The following TEAD3 variants were observed in gnomAD, a reference collection of about 807,000 sequenced individuals.
TEAD3 encodes TEA domain transcription factor 3.
A neutral mutation model predicts 55.6 loss-of-function variants in TEAD3; 15 were observed. The ratio of observed to expected loss-of-function variants is 0.27; its 90% CI spans 0.18 to 0.42. The LOEUF is 0.42. Ranked by LOEUF, TEAD3 falls within the 10% of genes least tolerant of loss-of-function variation. TEAD3 has a pLI of 1.00. For synonymous variants in TEAD3, 210 were observed against 232.2 expected, an observed-to-expected ratio of 0.90 and a Z score of 0.87; for missense variants, 407 against 576.8, an observed-to-expected ratio of 0.71 and a Z score of 3.01.
At position 35,487,517 on chromosome 6, in the gene TEAD3, A is replaced by T. The variant is rs1768411553; in HGVS notation, c.-49-806T>A. ...CAGTGAGCCGAGATCACGTCACTGC[A>T]CTCCAGCCTAGGCAATAGAGCGAGA... On this transcript the variant is annotated intron_variant, in intron 1 of 12. Transcript: ENST00000639578. 2.1e-5 allele frequency among the ~76,000 whole-genome samples: 3 copies of T among 140,058 alleles called. No homozygotes were observed. In the South Asian group the frequency reaches 6.6e-4, roughly 31 times the overall value. 91.9% of individuals were successfully genotyped at this position (140,058 alleles called of 152,430 possible).
At chr6:35,492,869 C>T (rs1561808832) in intron 1 of TEAD3, among the ~76,000 whole-genome samples, 1 of 152,156 alleles carries the variant, frequency 6.6e-6, no homozygotes, top group Non-Finnish European at 1.5e-5. Flanking sequence ...CCCTTCACCC[C>T]CTCCCTGGGA....
rs374481931 is a variant in TEAD3, at chr6:35,477,296, G to A, written c.592+15C>T. ...TGCAGGTGCCAAGGGAGAGCACCTCGTGTGGGGAACTTACTGCTGAGCGTC... is the reference window on the plus strand; with the variant it reads ...TGCAGGTGCCAAGGGAGAGCACCTCATGTGGGGAACTTACTGCTGAGCGTC... On this transcript the variant is annotated intron_variant, in intron 8 of 12. Transcript: ENST00000639578. 8.1e-6 allele frequency: 13 copies of A among 1,609,570 alleles called. No homozygotes were observed. The highest frequency in any genetic ancestry group is 2.2e-5 in the East Asian group (1 of 44,884).
chr6:35,479,247 T>C, intron 5 of TEAD3, 58 bp downstream of exon 5: 1 of 1,594,912 alleles, frequency 6.3e-7, no homozygotes, highest in Non-Finnish European at 8.6e-7. Flanking sequence ...TTGAAAATCC[T>C]GTATTAGGTG....
Position 35,477,383 on chromosome 6 carries a change from G to A in TEAD3, c.531-11C>T, listed in dbSNP as rs746693536. 2 of 1,599,662 alleles carry A rather than the reference G, an allele frequency of 1.3e-6. No individual in the cohort carries two copies. The highest frequency in any genetic ancestry group is 1.1e-5 in the South Asian group (1 of 90,740). On this transcript the variant is annotated splice_polypyrimidine_tract_variant and intron_variant, in intron 7 of 12. Coordinates refer to ENST00000639578, the Ensembl canonical transcript of TEAD3. Reference sequence around the variant, plus strand: ...GCAAAGGGCTTGATGCTGCAGACAGGAGCACAGCCTGGTGAGAGGGTTCCC... The same window carrying A: ...GCAAAGGGCTTGATGCTGCAGACAGAAGCACAGCCTGGTGAGAGGGTTCCC...
At chr6:35,476,461 C>T in intron 8 of TEAD3, 26 bp from the exon 9 acceptor site, 1 of 1,611,900 alleles carries the variant, frequency 6.2e-7, no homozygotes, top group Non-Finnish European at 8.5e-7. Flanking sequence ...AGATTTTCAT[C>T]TGCATGGATG....
chr6:35,479,947 C>T, intron 4 of TEAD3: 1 of 912,580 alleles, frequency 1.1e-6, no homozygotes, highest in Admixed American at 2.7e-5. Flanking sequence ...TTTCTGGACC[C>T]CCTCACAGCT....
At chr6:35,479,818 C>T (rs1268102732) in intron 4 of TEAD3, among the ~76,000 whole-genome samples, 1 of 152,234 alleles carries the variant, frequency 6.6e-6, no homozygotes, top group African/African-American at 2.4e-5. Context: ...AAGCAGCAGT[C>T]AGGAAGAAGG....
chr6:35,486,443 G>A lies in TEAD3; in HGVS notation c.202+18C>T, dbSNP rs1311535214. 1.9e-6 allele frequency: 3 copies of A among 1,602,136 alleles called. No individual in the cohort carries two copies. The African/African-American group carries it at 4.0e-5, about 21-fold the overall frequency. On this transcript the variant is annotated intron_variant, in intron 2 of 12. Coordinates refer to ENST00000639578, the Ensembl canonical transcript of TEAD3. The surrounding 1 kb of genome is among the most constrained non-coding windows in gnomAD (Gnocchi z 7.3). ...AGGGGGAAGGGCCGCAGTCCCGCCC[G>A]CGCCCCCCGGCACGCACCGTACATC... is the stretch of plus-strand genomic sequence containing the variant.
intron 3 of TEAD3, among the ~76,000 whole-genome samples, chr6:35,481,938 G>C (rs943314621): frequency 6.6e-6 from 1 of 152,210 alleles, no homozygotes; most frequent in Non-Finnish European, 1.5e-5. Flanking sequence ...ACGAATTGCT[G>C]CATGTGTGTA....
Position 35,485,466 on chromosome 6 carries a change from C to G in TEAD3, c.203-842G>C, listed in dbSNP as rs905544666. On this transcript the variant is annotated intron_variant, in intron 2 of 12. Coordinates refer to ENST00000639578, the Ensembl canonical transcript of TEAD3. The surrounding 1 kb of genome is among the most constrained non-coding windows in gnomAD (Gnocchi z 4.3). ...TGGTCAAGGTGTACACCTCTACCCCCAAATCCAGGCTCTCTGCCCTCCAAC... is the reference window on the plus strand; with the variant it reads ...TGGTCAAGGTGTACACCTCTACCCCGAAATCCAGGCTCTCTGCCCTCCAAC... Among the ~76,000 whole-genome samples the G allele has an allele frequency of 2.0e-5, 3 of 152,196 alleles. No individual in the cohort carries two copies. Among genetic ancestry groups the G allele is most frequent in the African/African-American group, 7.2e-5 (3 of 41,440 alleles).
chr6:35,482,938 G>A (rs1768293094), intron 3 of TEAD3, among the ~76,000 whole-genome samples: 1 of 152,180 alleles, frequency 6.6e-6, no homozygotes, highest in Admixed American at 6.5e-5. Flanking sequence ...AACAGCAGCA[G>A]CAAATTCTTC....
chr6:35,494,731 G>C (rs981762388), intron 1 of TEAD3, among the ~76,000 whole-genome samples: 1 of 152,100 alleles, frequency 6.6e-6, no homozygotes, highest in Non-Finnish European at 1.5e-5. Flanking sequence ...ACCCCCACAG[G>C]TGTCTGGGAG....
At chr6:35,493,088 T>G (rs1487964601) in intron 1 of TEAD3, among the ~76,000 whole-genome samples, 1 of 152,294 alleles carries the variant, frequency 6.6e-6, no homozygotes, top group Admixed American at 6.5e-5. Context: ...ATAGGTTTCC[T>G]CTGCGCCCTT....
intron 1 of TEAD3, among the ~76,000 whole-genome samples, chr6:35,487,058 G>T (rs78639142): frequency 4.1e-4 from 62 of 152,294 alleles, no homozygotes; most frequent in African/African-American, 1.5e-3. Flanking sequence ...ATAGGTAATC[G>T]GTAACAACAA....
In TEAD3 at chr6:35,479,338, T is replaced by TA. The variant is rs532993449; in HGVS notation, c.331-23dup. ...TGGCCTGTGAGGGAGAGAAGGAAGATAGATTAGAGGACATGTGCAGCACCA... is the reference window on the plus strand; with the variant it reads ...TGGCCTGTGAGGGAGAGAAGGAAGATAAGATTAGAGGACATGTGCAGCACCA... On this transcript the variant is annotated intron_variant, in intron 4 of 12. Transcript: ENST00000639578. The TA allele has an allele frequency of 2.2e-4, 348 of 1,613,876 alleles. 3 individuals carry two copies. In the Admixed American group the frequency reaches 5.7e-3, roughly 27 times the overall value.
intron 3 of TEAD3, among the ~76,000 whole-genome samples, chr6:35,482,772 C>A (rs1019712492): frequency 7.2e-5 from 11 of 152,210 alleles, no homozygotes; most frequent in African/African-American, 4.8e-5. Flanking sequence ...CTTAAAAAAA[C>A]CAACAAAAAA....
exon 13 of TEAD3, chr6:35,474,970 C>T: frequency 7.8e-7 from 1 of 1,286,102 alleles, no homozygotes; most frequent in Non-Finnish European, 1.1e-6. Flanking sequence ...CAATCCTGGA[C>T]CCCCCCAGGG....
At chr6:35,473,674 G>A (rs2150909423), downstream of TEAD3, 1 of 149,510 alleles carries the variant, frequency 6.7e-6, no homozygotes, top group East Asian at 2.0e-4. Context: ...GCCTTTGAGG[G>A]CCCCTGCTCC....
rs919154277 is a variant in TEAD3, at chr6:35,483,603, T to G, written c.267+957A>C. 1.3e-5 allele frequency among the ~76,000 whole-genome samples: 2 copies of G among 152,146 alleles called. No individual in the cohort carries two copies. The highest frequency in any genetic ancestry group is 2.9e-5 in the Non-Finnish European group (2 of 68,022). On this transcript the variant is annotated intron_variant, in intron 3 of 12. Transcript: ENST00000639578. The surrounding 1 kb of genome is among the most constrained non-coding windows in gnomAD (Gnocchi z 4.5). ...CTGCTTATGCCCGCAATGGCCAGCC[T>G]CTCTGTCTCCAGCCAGCCCTCTCTA... is the stretch of plus-strand genomic sequence containing the variant.
Sources: gnomAD v4.1 joint callset for allele counts (sites outside exome capture counted in the v4.1 genomes callset) on GRCh38, gnomAD v4.1.1 for gene constraint, Gnocchi (gnomAD v3.1) non-coding constraint, MANE v1.5 for transcripts, NCBI Gene and HGNC (gene_info 2026-07-23, HGNC 2026-07-21) for gene names.